Variants in MFSD2A observed in about 807,000 individuals in gnomAD.
MFSD2A encodes the protein sodium-dependent lysophosphatidylcholine symporter 1.
In MFSD2A, 27 loss-of-function variants were observed where a neutral mutation model predicts 64.7. The observed-to-expected ratio is 0.42, with a 90% CI of 0.31 to 0.58. The LOEUF (loss-of-function observed/expected upper bound fraction) is 0.58, where lower values mean the gene tolerates loss of function less well. MFSD2A is among the 20% of genes least tolerant of loss of function. The pLI, the probability that MFSD2A is intolerant of heterozygous loss-of-function variation, is 0.18. For synonymous variants in MFSD2A, 258 were observed against 273.4 expected, an observed-to-expected ratio of 0.94 and a Z score of 0.55; for missense variants, 474 against 679.5, an observed-to-expected ratio of 0.70 and a Z score of 3.36.
chr1:39,960,102 T>C lies in MFSD2A; in HGVS notation c.353+1277T>C, dbSNP rs927075690. ...ACCTTCTCCCTTGGTACAAAGCCTG[T>C]GCTACTCAGCTTCAGGGGCAAAGTA... On this transcript the variant is annotated intron_variant, in intron 3 of 13. Coordinates refer to ENST00000372811, the MANE Select transcript of MFSD2A (RefSeq NM_032793.5). This position sits in a 1 kb window ranked among gnomAD's most constrained non-coding sequence, Gnocchi z 4.8. Among the ~76,000 whole-genome samples the C allele has an allele frequency of 6.6e-6, 1 of 152,256 alleles. No homozygotes were observed. Among genetic ancestry groups the C allele is most frequent in the Non-Finnish European group, 1.5e-5 (1 of 68,040 alleles).
At position 39,969,751 on chromosome 1, in the gene MFSD2A, C is replaced by A; in HGVS notation, c.*183C>A. 1.7e-6 allele frequency: 1 copy of A among 601,728 alleles called. No individual in the cohort carries two copies. The highest frequency in any genetic ancestry group is 2.9e-6 in the Non-Finnish European group (1 of 344,964). The allele number at this position is 601,728 out of a possible 1,614,324, so 37.3% of individuals were successfully genotyped here. A position where few individuals can be genotyped will look rare whatever the true frequency, so the allele number is the denominator to read the frequency against. ...GCTGCTCTGTGGCCTCCTGCCTCCC[C>A]TCTGCCTGCCTGTGGGGCCAAGCCC... On this transcript the variant is annotated 3_prime_UTR_variant, in exon 14 of 14. Transcript: ENST00000372811.
At chr1:39,961,300 C>A (rs1228939528) in intron 3 of MFSD2A, among the ~76,000 whole-genome samples, 1 of 126,074 alleles carries the variant, frequency 7.9e-6, no homozygotes, top group African/African-American at 3.0e-5. Context: ...CTTCTTGAAA[C>A]CAGGAAGACT....
intron 7 of MFSD2A, 49 bp from the exon 8 acceptor site, chr1:39,966,762 C>T (rs769350703): frequency 6.2e-7 from 1 of 1,613,598 alleles, no homozygotes; most frequent in South Asian, 1.1e-5. Flanking sequence ...GGCCCTCAGG[C>T]TTTGGGAGGG....
At chr1:39,962,690 C>T in intron 3 of MFSD2A, 1 of 780,546 alleles carries the variant, frequency 1.3e-6, no homozygotes, top group South Asian at 1.5e-5. Flanking sequence ...GCCGAAGCTG[C>T]GGAGCTTGCT....
rs2124751526 is a variant in MFSD2A at position 39,955,362 on chromosome 1, A to G, written c.70A>G (p.Thr24Ala). 3 of 1,496,890 alleles carry G rather than the reference A, an allele frequency of 2.0e-6. No homozygotes were observed. Among genetic ancestry groups the G allele is most frequent in the Admixed American group, 2.4e-5 (1 of 42,328 alleles). The allele number at this position is 1,496,890 out of a possible 1,614,324, so 92.7% of individuals were successfully genotyped here. The change falls in exon 1 of 14, where the codon ACT becomes GCT. Residue 24 changes from threonine to alanine, a missense_variant. Coordinates refer to ENST00000372811, the MANE Select transcript of MFSD2A (RefSeq NM_032793.5). This position sits in a 1 kb window ranked among gnomAD's most constrained non-coding sequence, Gnocchi z 5.9. ...GLLPTSILQS[T>A]ERPAQVKKEP... ...GCTACCCACCAGCATCCTCCAAAGC[A>G]CTGAACGCCCGGCCCAGGTGAAGGT...
chr1:39,966,100 G>T (rs1645155692), intron 6 of MFSD2A, 86 bp downstream of exon 6: 1 of 1,459,406 alleles, frequency 6.9e-7, no homozygotes, highest in Non-Finnish European at 9.4e-7. Context: ...AACAGCTAGT[G>T]TTTATTAAAT....
rs1453322442 is a variant in MFSD2A, at chr1:39,963,940, T to TG, written c.354-1268dup. ...AGTAGAGACGGAGGTTTCGCCATGT[T>TG]GGGCAGGCTGGTCTTGAACTCCTGA... On this transcript the variant is annotated intron_variant, in intron 3 of 13. Coordinates refer to ENST00000372811, the MANE Select transcript of MFSD2A (RefSeq NM_032793.5). The surrounding 1 kb of genome is among the most constrained non-coding windows in gnomAD (Gnocchi z 4.2). 6.6e-6 allele frequency among the ~76,000 whole-genome samples: 1 copy of TG among 152,170 alleles called. No individual in the cohort carries two copies. Among genetic ancestry groups the TG allele is most frequent in the Non-Finnish European group, 1.5e-5 (1 of 68,032 alleles).
Position 39,958,846 on chromosome 1 carries a change from C to T in MFSD2A, c.353+21C>T, listed in dbSNP as rs370051689. The T allele has an allele frequency of 1.6e-5, 25 of 1,570,150 alleles. No individual in the cohort carries two copies. The Admixed American group carries it at 1.7e-4, about 11-fold the overall frequency. ...CCCTGGTGAGTAGAATATGCCCCTT[C>T]GAGGTGGCACAAGGCAGGACTTCCA... On this transcript the variant is annotated intron_variant, in intron 3 of 13. Transcript: ENST00000372811. This position sits in a 1 kb window ranked among gnomAD's most constrained non-coding sequence, Gnocchi z 4.7.
Position 39,958,117 on chromosome 1 carries a change from A to T in MFSD2A, c.229-584A>T, listed in dbSNP as rs1342601109. On this transcript the variant is annotated intron_variant, in intron 2 of 13. Transcript: ENST00000372811. The surrounding 1 kb of genome is among the most constrained non-coding windows in gnomAD (Gnocchi z 4.7). Reference sequence around the variant, plus strand: ...AATACCCACTCCCCAGAGAAATAGCAATAGCAGGGCTTTGATGGATAAGGA... The same window carrying T: ...AATACCCACTCCCCAGAGAAATAGCTATAGCAGGGCTTTGATGGATAAGGA... Among the ~76,000 whole-genome samples the T allele has an allele frequency of 6.6e-6, 1 of 151,752 alleles. No homozygotes were observed. Among genetic ancestry groups the T allele is most frequent in the Non-Finnish European group, 1.5e-5 (1 of 67,944 alleles).
Position 39,963,038 on chromosome 1 carries a change from C to T in MFSD2A, c.354-2173C>T, listed in dbSNP as rs536163569. The T allele has an allele frequency of 7.9e-5, 115 of 1,454,828 alleles. No homozygotes were observed. Among genetic ancestry groups the T allele is most frequent in the African/African-American group, 1.3e-4 (9 of 71,860 alleles). The allele number at this position is 1,454,828 out of a possible 1,614,324, so 90.1% of individuals were successfully genotyped here. On this transcript the variant is annotated intron_variant, in intron 3 of 13. Transcript: ENST00000372811. The surrounding 1 kb of genome is among the most constrained non-coding windows in gnomAD (Gnocchi z 4.2). ...TCCTGGCCAAGCTCTCCATTGTCCC[C>T]GTGCGCAGAGGCTACTGGGGGAACA...
Position 39,968,065 on chromosome 1 carries a change from G to A in MFSD2A, c.1208+149G>A. ...TGGGGGAGGTCTGTCCTGTACAGTT[G>A]TACAGGTAGTGAGCTTTGCAAGAAC... On this transcript the variant is annotated intron_variant, in intron 11 of 13. Coordinates refer to ENST00000372811, the MANE Select transcript of MFSD2A (RefSeq NM_032793.5). The surrounding 1 kb of genome is among the most constrained non-coding windows in gnomAD (Gnocchi z 4.4). The A allele has an allele frequency of 1.6e-6, 1 of 640,534 alleles. No homozygotes were observed. The highest frequency in any genetic ancestry group is 2.9e-5 in the Admixed American group (1 of 34,224). The allele number at this position is 640,534 out of a possible 1,614,324, so 39.7% of individuals were successfully genotyped here. A position where few individuals can be genotyped will look rare whatever the true frequency, so the allele number is the denominator to read the frequency against.
Position 39,967,671 on chromosome 1 carries a change from C to T in MFSD2A, c.1055C>T (p.Thr352Ile), listed in dbSNP as rs1161897022. 2 of 1,614,122 alleles carry T rather than the reference C, an allele frequency of 1.2e-6. No homozygotes were observed. The highest frequency in any genetic ancestry group is 2.2e-5 in the South Asian group (2 of 91,080). ...LTIPIWQWFL[T>I]RFGKKTAVYV... ...ATTCCCATCTGGCAGTGGTTCTTGA[C>T]CCGGTTTGGCAAGAAGACAGCTGTA... Residue 352 changes from threonine (T) to isoleucine (I), a missense_variant, in exon 10 of 14, where the codon ACC (threonine) becomes ATC (isoleucine). Coordinates refer to ENST00000372811, the MANE Select transcript of MFSD2A (RefSeq NM_032793.5).
At position 39,958,635 on chromosome 1, in the gene MFSD2A, C is replaced by T. The variant is rs1644974562; in HGVS notation, c.229-66C>T. 1 of 1,613,884 alleles carries T rather than the reference C, an allele frequency of 6.2e-7. No homozygotes were observed. The highest frequency in any genetic ancestry group is 8.5e-7 in the Non-Finnish European group (1 of 1,179,880). The stretch of plus-strand genomic sequence containing the variant: ...GATAGGGAGGGAGCCTCTGCTTCTG[C>T]CTACCAGTGAGAGTTGAGGCGAGTA... On this transcript the variant is annotated intron_variant, in intron 2 of 13. Transcript: ENST00000372811. This position sits in a 1 kb window ranked among gnomAD's most constrained non-coding sequence, Gnocchi z 4.7.
rs1645143978 is a variant in MFSD2A at position 39,965,607 on chromosome 1, TC to T, written c.556+61del. On this transcript the variant is annotated intron_variant, in intron 5 of 13. Transcript: ENST00000372811. The surrounding 1 kb of genome is among the most constrained non-coding windows in gnomAD (Gnocchi z 5.5). ...CCAGGGACCCTCCAGCCATACTTCT[TC>T]CCTTGCGGGTCCAGCTCTTTGCTCT... 5 of 1,551,096 alleles carry T rather than the reference TC, an allele frequency of 3.2e-6. No homozygotes were observed. The highest frequency in any genetic ancestry group is 4.5e-6 in the Non-Finnish European group (5 of 1,123,534).
chr1:39,966,513 C>T, intron 6 of MFSD2A, 88 bp from the exon 7 acceptor site: 1 of 1,111,068 alleles, frequency 9.0e-7, no homozygotes, highest in East Asian at 2.4e-5. Flanking sequence ...GGGACTGGCC[C>T]AAGATCATTG....
chr1:39,967,834 C>T lies in MFSD2A; in HGVS notation c.1126C>T (p.Leu376Phe). 1.2e-6 allele frequency: 2 copies of T among 1,613,966 alleles called. No homozygotes were observed. Among genetic ancestry groups the T allele is most frequent in the East Asian group, 2.2e-5 (1 of 44,874 alleles). Residue 376 changes from leucine to phenylalanine, a missense_variant, in exon 11 of 14, where the codon CTC becomes TTC. By Grantham distance (22) the Leu-to-Phe change is conservative. Transcript: ENST00000372811. ...SAVPFLILVA[L>F]MESNLIITYA... The stretch of plus-strand genomic sequence containing the variant: ...AGTGCCATTTCTCATCTTGGTGGCC[C>T]TCATGGAGAGTAACCTCATCATTAC...
chr1:39,963,158 C>T lies in MFSD2A; in HGVS notation c.354-2053C>T, dbSNP rs921979947. 29 of 1,455,188 alleles carry T rather than the reference C, an allele frequency of 2.0e-5. No individual in the cohort carries two copies. Among genetic ancestry groups the T allele is most frequent in the African/African-American group, 1.5e-4 (11 of 71,850 alleles). The allele number at this position is 1,455,188 out of a possible 1,614,324, so 90.1% of individuals were successfully genotyped here. A position where few individuals can be genotyped will look rare whatever the true frequency, so the allele number is the denominator to read the frequency against. ...TCCCTGCACCCAGGAGCACTGGCAT[C>T]GTCTCCACACCTGTGCCCAAGAAGC... On this transcript the variant is annotated intron_variant, in intron 3 of 13. Transcript: ENST00000372811. This position sits in a 1 kb window ranked among gnomAD's most constrained non-coding sequence, Gnocchi z 4.2.
At position 39,967,698 on chromosome 1, in the gene MFSD2A, A is replaced by G. The variant is rs1645193787; in HGVS notation, c.1082A>G (p.Tyr361Cys). 6.2e-7 allele frequency: 1 copy of G among 1,613,956 alleles called. No homozygotes were observed. ...LTRFGKKTAV[Y>C]VGISSAVPFL... Reference sequence around the variant, plus strand: ...CGGTTTGGCAAGAAGACAGCTGTATATGTTGGGATCTCAGTGAGTGGGGTT... The same window carrying G: ...CGGTTTGGCAAGAAGACAGCTGTATGTGTTGGGATCTCAGTGAGTGGGGTT... The change falls in exon 10 of 14, where the codon TAT becomes TGT. Residue 361 changes from tyrosine (Y) to cysteine (C), a missense_variant. Coordinates refer to ENST00000372811, the MANE Select transcript of MFSD2A (RefSeq NM_032793.5).
At position 39,968,709 on chromosome 1, in the gene MFSD2A, G is replaced by C; in HGVS notation, c.1493G>C (p.Arg498Thr). Residue 498 changes from arginine (R) to threonine (T), a missense_variant, in exon 13 of 14, where the codon AGG (arginine) becomes ACG (threonine). Coordinates refer to ENST00000372811, the MANE Select transcript of MFSD2A (RefSeq NM_032793.5). The surrounding 1 kb of genome is among the most constrained non-coding windows in gnomAD (Gnocchi z 4.4). The stretch of plus-strand genomic sequence containing the variant: ...AAAATGTACCCCATTGATGAGGAGA[G>C]GCGGCGGCAGAATAAGAAGGCCCTG... ...LFKMYPIDEE[R>T]RRQNKKALQA... The C allele has an allele frequency of 6.2e-7, 1 of 1,614,172 alleles. No homozygotes were observed. Among genetic ancestry groups the C allele is most frequent in the Non-Finnish European group, 8.5e-7 (1 of 1,180,026 alleles).
Sources: allele counts gnomAD v4.1 joint callset (sites outside exome capture counted in the v4.1 genomes callset), GRCh38; gene constraint gnomAD v4.1.1; non-coding constraint Gnocchi (gnomAD v3.1); transcripts MANE v1.5; gene names NCBI Gene and HGNC (gene_info 2026-07-23, HGNC 2026-07-21).